The following SALL1 variants were observed in gnomAD, a reference collection of about 807,000 sequenced individuals.
The protein encoded by SALL1 is sal-like protein 1.
A neutral mutation model predicts 73.1 loss-of-function variants in SALL1; 10 were observed. The ratio of observed to expected loss-of-function variants is 0.14; its 90% confidence interval spans 0.08 to 0.23. SALL1 has a LOEUF of 0.23. Ranked by LOEUF, SALL1 falls within the 10% of genes least tolerant of loss-of-function variation. The pLI, the probability that SALL1 is intolerant of heterozygous loss-of-function variation, is 1.00. For missense variants in SALL1, 1,520 were observed against 1,697.3 expected (o/e 0.90, Z 1.84); for synonymous variants, 688 against 689.8 (o/e 1.00, Z 0.04).
At chr16:51,148,047 C>T (rs943582050) in intron 1 of SALL1, among the ~76,000 whole-genome samples, 6 of 152,102 alleles carry the variant, frequency 3.9e-5, no homozygotes, top group African/African-American at 1.4e-4. Flanking sequence ...GAAAAATTAC[C>T]AAGTTTAGAG....
chr16:51,149,548 G>A (rs766146186), intron 1 of SALL1: 4 of 152,196 alleles, frequency 2.6e-5, no homozygotes, highest in Non-Finnish European at 2.9e-5. Flanking sequence ...GCGGGGTTCA[G>A]GGGCTCTTTT....
intron 2 of SALL1, among the ~76,000 whole-genome samples, chr16:51,137,993 T>C (rs899938153): frequency 6.6e-6 from 1 of 152,190 alleles, no homozygotes; most frequent in Admixed American, 6.5e-5. Flanking sequence ...CCCTCCCTGA[T>C]TGCCCATTGG....
chr16:51,144,504 C>A (rs527769311), intron 1 of SALL1, among the ~76,000 whole-genome samples: 141 of 152,264 alleles, frequency 9.3e-4, no homozygotes, highest in Non-Finnish European at 1.4e-3. Flanking sequence ...AACTAAATAA[C>A]TAGCAAGGGA....
Position 51,141,685 on chromosome 16 carries a change from G to T in SALL1, c.537C>A (p.Leu179=). 6.2e-7 allele frequency: 1 copy of T among 1,613,580 alleles called. No homozygotes were observed. The highest frequency in any genetic ancestry group is 8.5e-7 in the Non-Finnish European group (1 of 1,180,012). Residue 179 remains leucine, a synonymous_variant, in exon 2 of 3, where the codon CTC becomes CTA. Transcript: ENST00000251020. The surrounding 1 kb of genome is among the most constrained non-coding windows in gnomAD (Gnocchi z 5.4). ...TSAITTSLPQ[L]GDLTTLGNFS... ...AGTTGCCCAGTGTTGTCAGGTCCCC[G>T]AGTTGAGGTAGAGAGGTTGTGATCG...
At position 51,139,894 on chromosome 16, in the gene SALL1, C is replaced by T. The variant is rs776260944; in HGVS notation, c.2328G>A (p.Thr776=). The change falls in exon 2 of 3, where the codon ACG becomes ACA. Residue 776 remains threonine (T), a synonymous_variant. Transcript: ENST00000251020. ...TGTGCTGCTGCAGGACCACAGCGTT[C>T]GTGAACTTCTTCTGGCAGATGGGGC... The part of the protein sequence containing the change: ...HSCPICQKKF[T]NAVVLQQHIR... 1.5e-5 allele frequency: 25 copies of T among 1,614,060 alleles called. No homozygotes were observed. The highest frequency in any genetic ancestry group is 2.7e-5 in the African/African-American group (2 of 74,916).
intron 1 of SALL1, among the ~76,000 whole-genome samples, chr16:51,145,173 T>TAC (rs1438243390): frequency 6.8e-6 from 1 of 146,882 alleles, no homozygotes. Flanking sequence ...TGTAGTAAGA[T>TAC]ACACACACAC....
rs766602568 is a variant in SALL1 at position 51,140,085 on chromosome 16, G to A, written c.2137C>T (p.Arg713Trp). The A allele has an allele frequency of 3.7e-6, 6 of 1,614,100 alleles. No individual in the cohort carries two copies. The highest frequency in any genetic ancestry group is 2.2e-5 in the South Asian group (2 of 91,090). ...AAGGCGCTCTGGCAGCTGAGAACCC[G>A]GTGGCAGATGATGCACTCATTGGGG... ...TDPNECIICH[R>W]VLSCQSALKM... is the part of the protein sequence containing the mutation. The change falls in exon 2 of 3, where the codon CGG (arginine) becomes TGG (tryptophan). Residue 713 changes from arginine (R) to tryptophan (W), a missense_variant. Around this residue, in one of 7 missense-constraint regions of SALL1, gnomAD observed 77 missense variants for 117.2 expected, o/e 0.66. Transcript: ENST00000251020. This position sits in a 1 kb window ranked among gnomAD's most constrained non-coding sequence, Gnocchi z 5.7.
chr16:51,147,803 A>ACACACACACACATG (rs1962540916), intron 1 of SALL1, among the ~76,000 whole-genome samples: 1 of 151,974 alleles, frequency 6.6e-6, no homozygotes, highest in South Asian at 2.1e-4. Context: ...ACACACACAC[A>ACACACACACACATG]CACACATGCA....
rs1259697052 is a variant in SALL1, at chr16:51,141,561, C to A, written c.661G>T (p.Gly221Trp). The A allele has an allele frequency of 6.2e-7, 1 of 1,614,168 alleles. No individual in the cohort carries two copies. Among genetic ancestry groups the A allele is most frequent in the Non-Finnish European group, 8.5e-7 (1 of 1,180,028 alleles). ...AGGGCTGGGACGGCCAGCTTGCCCC[C>A]AGAGGCCCCGCCGCACCTCGCTTCC... ...SQEARCGGAS[G>W]GKLAVPALME... The change falls in exon 2 of 3, where the codon GGG becomes TGG. Residue 221 changes from glycine to tryptophan, a missense_variant. Coordinates refer to ENST00000251020, the MANE Select transcript of SALL1 (RefSeq NM_002968.3). The surrounding 1 kb of genome is among the most constrained non-coding windows in gnomAD (Gnocchi z 5.4).
At position 51,137,219 on chromosome 16, in the gene SALL1, G is replaced by A. The variant is rs1232792464; in HGVS notation, c.3868C>T (p.Pro1290Ser). ...GNLERLQNSE[P>S]NAPLAGLEKM... ...TCCAGGCCGGCCAGGGGAGCATTGG[G>A]CTCTGAGTTCTGGAGCCTCTCCAGG... is the stretch of plus-strand genomic sequence containing the variant. The change falls in exon 3 of 3, where the codon CCC becomes TCC. Residue 1290 changes from proline to serine, a missense_variant. This residue lies in a region of SALL1 where 318 missense variants were observed against 357.1 expected (regional missense o/e 0.89). Transcript: ENST00000251020. 5 of 1,614,118 alleles carry A rather than the reference G, an allele frequency of 3.1e-6. No homozygotes were observed. Among genetic ancestry groups the A allele is most frequent in the Non-Finnish European group, 4.2e-6 (5 of 1,180,010 alleles).
chr16:51,141,103 C>T lies in SALL1; in HGVS notation c.1119G>A (p.Ser373=), dbSNP rs374465085. Residue 373 remains serine, a synonymous_variant, in exon 2 of 3, where the codon TCG becomes TCA. Coordinates refer to ENST00000251020, the MANE Select transcript of SALL1 (RefSeq NM_002968.3). The surrounding 1 kb of genome is among the most constrained non-coding windows in gnomAD (Gnocchi z 5.4). The part of the protein sequence containing the change: ...SHVSNPAVSS[S]SSPAFAISSL... ...TGCTTATTGCAAAAGCTGGTGAGGA[C>T]GATGATGAGACCGCTGGGTTGCTGA... The T allele has an allele frequency of 6.8e-6, 11 of 1,614,046 alleles. No individual in the cohort carries two copies. Among genetic ancestry groups the T allele is most frequent in the African/African-American group, 2.7e-5 (2 of 74,906 alleles).
intron 1 of SALL1, among the ~76,000 whole-genome samples, chr16:51,145,209 CACACACAT>C (rs1962497592): frequency 2.3e-5 from 1 of 44,246 alleles, no homozygotes; most frequent in South Asian, 1.8e-3. Flanking sequence ...CTCTCTCTCA[CACACACAT>C]ACACACACAC....
Position 51,139,303 on chromosome 16 carries a change from T to A in SALL1, c.2919A>T (p.Thr973=). 6.2e-7 allele frequency: 1 copy of A among 1,614,156 alleles called. No homozygotes were observed. The highest frequency in any genetic ancestry group is 1.3e-5 in the African/African-American group (1 of 75,054). ...TPVNGGALDL[T]SSHAEKIIKE... is the part of the protein sequence containing the mutation. Reference sequence around the variant, plus strand: ...TGATGATTTTCTCTGCGTGACTAGATGTCAAATCCAAAGCCCCACCATTCA... The same window carrying A: ...TGATGATTTTCTCTGCGTGACTAGAAGTCAAATCCAAAGCCCCACCATTCA... Residue 973 remains threonine, a synonymous_variant, in exon 2 of 3, where the codon ACA becomes ACT. Coordinates refer to ENST00000251020, the MANE Select transcript of SALL1 (RefSeq NM_002968.3).
Position 51,138,352 on chromosome 16 carries a change from C to T in SALL1, c.3534+336G>A, listed in dbSNP as rs955280331. Among the ~76,000 whole-genome samples the T allele has an allele frequency of 8.1e-5, 7 of 86,254 alleles. No homozygotes were observed. In the East Asian group the frequency reaches 2.0e-3, roughly 25 times the overall value. The allele number at this position is 86,254 out of a possible 152,430, so 56.6% of individuals were successfully genotyped here. A position where few individuals can be genotyped will look rare whatever the true frequency, so the allele number is the denominator to read the frequency against. On this transcript the variant is annotated intron_variant, in intron 2 of 2. Transcript: ENST00000251020. ...ACGTGGAGGTCTTTAATCAATACCC[C>T]ATGGCAACGCTAGGCTTTCTTGGTA...
At position 51,150,018 on chromosome 16, in the gene SALL1, G is replaced by A. The variant is rs373430139; in HGVS notation, c.76+1148C>T. Among the ~76,000 whole-genome samples the A allele has an allele frequency of 3.4e-4, 52 of 152,298 alleles. No homozygotes were observed. In the East Asian group the frequency reaches 7.4e-3, roughly 22 times the overall value. The stretch of plus-strand genomic sequence containing the variant: ...CCAGCATCGTGCCGGGACGACCCGG[G>A]GACCCGAGTCCGGGCGCCGCTACAC... On this transcript the variant is annotated intron_variant, in intron 1 of 2. Coordinates refer to ENST00000251020, the MANE Select transcript of SALL1 (RefSeq NM_002968.3).
chr16:51,152,305 A>T (rs1168948441), upstream of SALL1: 8 of 152,382 alleles, frequency 5.2e-5, no homozygotes, highest in Admixed American at 5.2e-4. Context: ...TACCTCGGAC[A>T]TTCCCAGGAC....
In SALL1 at chr16:51,137,124, G is replaced by C. The variant is rs200583558; in HGVS notation, c.3963C>G (p.Ile1321Met). The change falls in exon 3 of 3, where the codon ATC becomes ATG. Residue 1321 changes from isoleucine to methionine, a missense_variant. Physicochemically the swap from Ile to Met is conservative, Grantham distance 10. This residue lies in a region of SALL1 where 318 missense variants were observed against 357.1 expected (regional missense o/e 0.89). Coordinates refer to ENST00000251020, the MANE Select transcript of SALL1 (RefSeq NM_002968.3). ...AGCCCGAGCTGCTTTAACTCGTGAC[G>C]ATCTCCTTGCTGTCCTCCACGAAGC... ...FTRFVEDSKE[I>M]VTS The C allele has an allele frequency of 2.9e-5, 47 of 1,614,118 alleles. No homozygotes were observed. The African/African-American group carries it at 6.0e-4, about 21-fold the overall frequency.
In SALL1 at chr16:51,141,061, C is replaced by G; in HGVS notation, c.1161G>C (p.Ala387=). ...CTTGCTGAGGTAGAAGTGGATTAGA[C>G]GCAGGACTTAATAAACTGCTTATTG... ...AFAISSLLSP[A]SNPLLPQQAS... Residue 387 remains alanine (A), a synonymous_variant, in exon 2 of 3, where the codon GCG becomes GCC. Transcript: ENST00000251020. The surrounding 1 kb of genome is among the most constrained non-coding windows in gnomAD (Gnocchi z 5.4). The G allele has an allele frequency of 6.2e-7, 1 of 1,614,196 alleles. No individual in the cohort carries two copies. Among genetic ancestry groups the G allele is most frequent in the Non-Finnish European group, 8.5e-7 (1 of 1,180,046 alleles).
rs768104288 is a variant in SALL1 at position 51,139,024 on chromosome 16, G to C, written c.3198C>G (p.Asn1066Lys). ...CCGCTGAGTTCTGATTGGGGCCAAG[G>C]TTGGAACTGGGCTCAAAGAGCTGGG... ...LPSQLFEPSSNLGPNQNSAVI... is the reference protein window; with the variant it reads ...LPSQLFEPSSKLGPNQNSAVI... The change falls in exon 2 of 3, where the codon AAC (asparagine) becomes AAG (lysine). Residue 1066 changes from asparagine (N) to lysine (K), a missense_variant. Physicochemically the swap from Asn to Lys is moderately conservative, Grantham distance 94. Transcript: ENST00000251020. The C allele has an allele frequency of 1.2e-6, 2 of 1,614,172 alleles. No individual in the cohort carries two copies. Among genetic ancestry groups the C allele is most frequent in the South Asian group, 2.2e-5 (2 of 91,080 alleles).
Sources: allele counts gnomAD v4.1 joint callset (sites outside exome capture counted in the v4.1 genomes callset), GRCh38; gene constraint gnomAD v4.1.1; regional missense constraint gnomAD v4.1.1; non-coding constraint Gnocchi (gnomAD v3.1); transcripts MANE v1.5; gene names NCBI Gene and HGNC (gene_info 2026-07-23, HGNC 2026-07-21).